ZNF678: variants seen among roughly 807,000 people sequenced by gnomAD.
ZNF678 encodes the protein hypothetical protein MGC42493.
In ZNF678, 5 loss-of-function variants were observed where a neutral mutation model predicts 3.0. The ratio of observed to expected loss-of-function variants is 1.69; its 90% CI spans 0.88 to 3.56. ZNF678 has a LOEUF of 3.56. Among genes scored for constraint, ZNF678 ranks in the 30% most tolerant of loss-of-function variants. ZNF678 has a pLI of 0.00. For missense variants in ZNF678, 593 were observed against 605.0 expected (o/e 0.98, Z 0.21); for synonymous variants, 218 against 199.6 (o/e 1.09, Z -0.78).
chr1:227,576,036 T>G (rs1439440767), intron 1 of ZNF678, among the ~76,000 whole-genome samples: 1 of 152,244 alleles, frequency 6.6e-6, no homozygotes, highest in African/African-American at 2.4e-5. Flanking sequence ...GTTTATGTGA[T>G]AGATCACATT....
At chr1:227,566,985 T>C (rs115961416) in intron 1 of ZNF678, among the ~76,000 whole-genome samples, 1,566 of 152,330 alleles carry the variant, frequency 0.01, 12 homozygotes, top group Non-Finnish European at 0.017. Flanking sequence ...GACAGTATGG[T>C]AGATTAATTG....
At position 227,612,082 on chromosome 1, in the gene ZNF678, A is replaced by G. The variant is rs572753234; in HGVS notation, c.-163-34462A>G. ...GGTCCTTTCCAACAGCTGGAAAGCT[A>G]TTGCACTGCTGCAGCAGGGGTGTAC... On this transcript the variant is annotated intron_variant, in intron 1 of 3. Transcript: ENST00000343776. Among the ~76,000 whole-genome samples, 6 of 152,246 alleles carry G rather than the reference A, an allele frequency of 3.9e-5. No individual in the cohort carries two copies. In the South Asian group the frequency reaches 1.2e-3, roughly 32 times the overall value.
rs148207191 is a variant in ZNF678, at chr1:227,644,851, C to T, written c.-163-1693C>T. Among the ~76,000 whole-genome samples the T allele has an allele frequency of 7.2e-5, 11 of 152,242 alleles. 2 individuals are homozygous for T. The highest frequency in any genetic ancestry group is 2.6e-4 in the Admixed American group (4 of 15,282). On this transcript the variant is annotated intron_variant, in intron 1 of 3. Transcript: ENST00000343776. ...TGTCTGTTGGTCTGGGTAAGAACAT[C>T]GGTGTTGTTTTAGTTTAGTACCCCA...
At chr1:227,643,933 G>A (rs574359630) in intron 1 of ZNF678, among the ~76,000 whole-genome samples, 27 of 143,936 alleles carry the variant, frequency 1.9e-4, no homozygotes, top group African/African-American at 6.2e-4. Flanking sequence ...GCATGATCTC[G>A]GCTCACTGCA....
downstream of ZNF678, among the ~76,000 whole-genome samples, chr1:227,663,550 T>C (rs538375094): frequency 5.9e-5 from 9 of 152,302 alleles, no homozygotes; most frequent in South Asian, 1.7e-3. Context: ...CTCATAAAAA[T>C]ACTCGTGTGT....
chr1:227,621,773 A>G (rs940036902), intron 1 of ZNF678, among the ~76,000 whole-genome samples: 1 of 152,210 alleles, frequency 6.6e-6, no homozygotes, highest in African/African-American at 2.4e-5. Flanking sequence ...ATGAAACCTG[A>G]AAAACTAATT....
rs573660253 is a variant in ZNF678 at position 227,656,050 on chromosome 1, CTT to C, written c.*224_*225del. ...AAAAACCCTTAAACAATTATTCAGA[CTT>C]TATTCAACTTTAGAGGATTTTACGG... is the stretch of plus-strand genomic sequence containing the variant. On this transcript the variant is annotated 3_prime_UTR_variant, in exon 4 of 4. Transcript: ENST00000343776. 1.0e-3 allele frequency: 363 copies of C among 357,722 alleles called. 6 individuals carry two copies. The East Asian group carries it at 0.017, about 16-fold the overall frequency. The allele number at this position is 357,722 out of a possible 1,614,324, so 22.2% of individuals were successfully genotyped here. A position where few individuals can be genotyped will look rare whatever the true frequency, so the allele number is the denominator to read the frequency against.
chr1:227,655,306 A>G lies in ZNF678; in HGVS notation c.1056A>G (p.Glu352=), dbSNP rs144600021. The G allele has an allele frequency of 1.2e-6, 2 of 1,601,224 alleles. No individual in the cohort carries two copies. The highest frequency in any genetic ancestry group is 2.7e-5 in the African/African-American group (2 of 74,714). ...IHTGEKPYKC[E]ECGRTFTQFS... ...CTGGAGAGAAACCCTACAAATGTGA[A>G]GAATGTGGCAGAACCTTTACTCAAT... Residue 352 remains glutamate, a synonymous_variant, in exon 4 of 4, where the codon GAA becomes GAG. Coordinates refer to ENST00000343776, the MANE Select transcript of ZNF678 (RefSeq NM_001367909.1).
At chr1:227,610,641 T>G (rs1225246785) in intron 1 of ZNF678, among the ~76,000 whole-genome samples, 1 of 152,184 alleles carries the variant, frequency 6.6e-6, no homozygotes, top group East Asian at 1.9e-4. Context: ...TCTCAGTGAC[T>G]ATTTCCTGTC....
intron 1 of ZNF678, among the ~76,000 whole-genome samples, chr1:227,633,218 G>A (rs774960481): frequency 6.6e-6 from 1 of 152,208 alleles, no homozygotes; most frequent in Non-Finnish European, 1.5e-5. Context: ...GGAACAAACA[G>A]ACCAGAAGAG....
At chr1:227,576,058 A>G (rs959562586) in intron 1 of ZNF678, among the ~76,000 whole-genome samples, 3 of 152,088 alleles carry the variant, frequency 2.0e-5, no homozygotes, top group Admixed American at 6.5e-5. Context: ...GTTGATTTCC[A>G]TATGTTGAAC....
intron 5 of ZNF678, among the ~76,000 whole-genome samples, chr1:227,675,042 A>T (rs1659658151): frequency 6.6e-6 from 1 of 152,206 alleles, no homozygotes; most frequent in Non-Finnish European, 1.5e-5. Flanking sequence ...TATGACATTC[A>T]TTTGAACATT....
intron 1 of ZNF678, among the ~76,000 whole-genome samples, chr1:227,632,807 G>A (rs4589104): frequency 0.21 from 32,577 of 151,986 alleles, 3,918 homozygotes; most frequent in East Asian, 0.44. Flanking sequence ...AAATATTACC[G>A]GCGGGTCTTT....
rs138063937 is a variant in ZNF678, at chr1:227,661,677, C to T, written c.*5849C>T. ...CAGAGAGCTGCAGGAACATTGGGGA[C>T]ATCTCCAAGTCACAGCCAATAGGTG... On this transcript the variant is annotated 3_prime_UTR_variant, in exon 4 of 4. Coordinates refer to ENST00000343776, the MANE Select transcript of ZNF678 (RefSeq NM_001367909.1). 4.6e-5 allele frequency: 7 copies of T among 152,258 alleles called. No homozygotes were observed. In the East Asian group the frequency reaches 1.4e-3, roughly 29 times the overall value. The allele number at this position is 152,258 out of a possible 1,614,324, so 9.4% of individuals were successfully genotyped here.
At chr1:227,646,523 G>A (rs1313485054) in intron 1 of ZNF678, 21 bp from the exon 2 acceptor site, 3 of 1,302,354 alleles carry the variant, frequency 2.3e-6, no homozygotes, top group Non-Finnish European at 2.0e-6. Context: ...GTAAATACGT[G>A]TGTATTTTTC....
At chr1:227,624,663 C>G (rs540349660) in intron 1 of ZNF678, among the ~76,000 whole-genome samples, 319 of 152,312 alleles carry the variant, frequency 2.1e-3, no homozygotes, top group Admixed American at 4.4e-3. Flanking sequence ...AGTGTTATAG[C>G]TCTATTAGAA....
intron 1 of ZNF678, among the ~76,000 whole-genome samples, chr1:227,604,590 A>G (rs1657818598): frequency 6.6e-6 from 1 of 152,060 alleles, no homozygotes; most frequent in African/African-American, 2.4e-5. Flanking sequence ...GGATTTCACC[A>G]TGTTGCACAG....
intron 1 of ZNF678, among the ~76,000 whole-genome samples, chr1:227,643,577 T>C (rs1658875122): frequency 2.0e-5 from 3 of 152,162 alleles, no homozygotes; most frequent in Admixed American, 2.0e-4. Context: ...TCCCCAAAGC[T>C]GGTACCCACA....
At chr1:227,606,026 C>CGGG (rs1491347136) in intron 1 of ZNF678, among the ~76,000 whole-genome samples, 2 of 152,138 alleles carry the variant, frequency 1.3e-5, no homozygotes, top group Non-Finnish European at 2.9e-5. Flanking sequence ...TGAAGGGGGC[C>CGGG]TGCCCCTCCA....
Sources: gnomAD v4.1 joint callset for allele counts (sites outside exome capture counted in the v4.1 genomes callset) on GRCh38, gnomAD v4.1.1 for gene constraint, MANE v1.5 for transcripts, NCBI Gene and HGNC (gene_info 2026-07-23, HGNC 2026-07-21) for gene names.